The following CNTNAP3B variants were observed in gnomAD, a reference collection of about 807,000 sequenced individuals.
CNTNAP3B encodes the protein contactin-associated protein-like 3B.
Under a neutral mutation model 108.9 loss-of-function variants are expected in CNTNAP3B, and 25 were observed. The observed-to-expected ratio is 0.23, with a 90% confidence interval of 0.17 to 0.32. CNTNAP3B has a LOEUF of 0.32. CNTNAP3B is among the 10% of genes least tolerant of loss of function. CNTNAP3B has a pLI of 1.00. For missense variants in CNTNAP3B, 252 were observed against 1,210.4 expected (o/e 0.21, Z 11.75); for synonymous variants, 103 against 473.4 (o/e 0.22, Z 10.16).
At chr9:42,029,274 G>C (rs1318699539) in intron 3 of CNTNAP3B, among the ~76,000 whole-genome samples, 5 of 117,554 alleles carry the variant, frequency 4.3e-5, no homozygotes, top group African/African-American at 6.8e-5. Context: ...AAACAAAAAA[G>C]TTCCCATTTT....
Position 41,923,786 on chromosome 9 carries a change from C to T in CNTNAP3B, c.2536+137G>A, listed in dbSNP as rs1186509671. On this transcript the variant is annotated intron_variant, in intron 16 of 23. Transcript: ENST00000377561. Reference sequence around the variant, plus strand: ...CCCTCTCTCAAAAACAAAAAATTACCTAAAATCATAGAAGTTTAGTGTTTT... The same window carrying T: ...CCCTCTCTCAAAAACAAAAAATTACTTAAAATCATAGAAGTTTAGTGTTTT... The T allele has an allele frequency of 8.4e-6, 12 of 1,436,880 alleles. No homozygotes were observed. The African/African-American group carries it at 1.6e-4, about 19-fold the overall frequency. 89.0% of individuals were successfully genotyped at this position (1,436,880 alleles called of 1,614,324 possible). A position where few individuals can be genotyped will look rare whatever the true frequency, so the allele number is the denominator to read the frequency against.
rs535048445 is a variant in CNTNAP3B, at chr9:41,921,442, T to G, written c.2756-1133A>C. On this transcript the variant is annotated intron_variant, in intron 17 of 23. Coordinates refer to ENST00000377561, the MANE Select transcript of CNTNAP3B (RefSeq NM_001201380.3). The stretch of plus-strand genomic sequence containing the variant: ...ATCCACATACATACGTGGGTTCACG[T>G]GTAGCATTTAGTACCTGGAAGTTGT... Among the ~76,000 whole-genome samples, 529 of 149,922 alleles carry G rather than the reference T, an allele frequency of 3.5e-3. 1 individual carries two copies. Among genetic ancestry groups the G allele is most frequent in the African/African-American group, 0.012 (488 of 40,232 alleles).
intron 13 of CNTNAP3B, among the ~76,000 whole-genome samples, chr9:41,947,228 C>T (rs1156775629): frequency 1.3e-5 from 2 of 151,080 alleles, no homozygotes; most frequent in Admixed American, 6.6e-5. Flanking sequence ...TTTTCAAATG[C>T]CCATGAAAAA....
chr9:41,962,780 C>T (rs1158951389), intron 11 of CNTNAP3B, among the ~76,000 whole-genome samples: 10 of 152,182 alleles, frequency 6.6e-5, no homozygotes, highest in African/African-American at 1.9e-4. Flanking sequence ...ATGGCAAAAC[C>T]CCGTCTCTAC....
intron 1 of CNTNAP3B, among the ~76,000 whole-genome samples, chr9:42,113,548 C>T (rs1379388720): frequency 7.2e-6 from 1 of 139,234 alleles, no homozygotes; most frequent in African/African-American, 2.9e-5. Context: ...AATACAACAA[C>T]ACAGGTGCAT....
In CNTNAP3B at chr9:42,076,893, C is replaced by T. The variant is rs542216609; in HGVS notation, c.366G>A (p.Gln122=). 3.4e-5 allele frequency: 52 copies of T among 1,537,286 alleles called. 9 individuals carry two copies. In the African/African-American group the frequency reaches 7.9e-4, roughly 23 times the overall value. ...MFSDGGRNWK[Q]YRREESIWGF... is the part of the protein sequence containing the mutation. Reference sequence around the variant, plus strand: ...CCCAGATGCTTTCTTCTCGGCGATACTGCTTCCAGTTTCTCCCACCATCAC... The same window carrying T: ...CCCAGATGCTTTCTTCTCGGCGATATTGCTTCCAGTTTCTCCCACCATCAC... The change falls in exon 3 of 24, where the codon CAG becomes CAA. Residue 122 remains glutamine (Q), a synonymous_variant. Transcript: ENST00000377561.
chr9:42,091,846 G>A (rs1321297010), intron 2 of CNTNAP3B, among the ~76,000 whole-genome samples: 1 of 90,880 alleles, frequency 1.1e-5, no homozygotes, highest in Non-Finnish European at 2.3e-5. Flanking sequence ...TGGAAACTTA[G>A]CAACTTTGAG....
intron 1 of CNTNAP3B, among the ~76,000 whole-genome samples, chr9:42,119,451 A>C (rs1308568907): frequency 7.6e-6 from 1 of 130,808 alleles, no homozygotes; most frequent in Non-Finnish European, 1.6e-5. Flanking sequence ...GCTACCAATG[A>C]CTTTCTTCAC....
At chr9:41,930,897 C>T (rs904552075) in intron 14 of CNTNAP3B, among the ~76,000 whole-genome samples, 7 of 152,248 alleles carry the variant, frequency 4.6e-5, no homozygotes, top group South Asian at 2.1e-4. Flanking sequence ...AAATATTTGG[C>T]CAATAATATT....
At chr9:41,938,992 T>C (rs1486293060) in intron 13 of CNTNAP3B, among the ~76,000 whole-genome samples, 22 of 152,324 alleles carry the variant, frequency 1.4e-4, no homozygotes, top group African/African-American at 4.3e-4. Context: ...AAATTTCTCA[T>C]GCGAAGAAAC....
chr9:42,094,581 C>T lies in CNTNAP3B; in HGVS notation c.196+10048G>A, dbSNP rs1052655312. Among the ~76,000 whole-genome samples the T allele has an allele frequency of 4.0e-4, 52 of 130,278 alleles. 5 individuals are homozygous for T. Among genetic ancestry groups the T allele is most frequent in the South Asian group, 1.0e-3 (4 of 3,922 alleles). 85.5% of individuals were successfully genotyped at this position (130,278 alleles called of 152,430 possible). On this transcript the variant is annotated intron_variant, in intron 2 of 23. Transcript: ENST00000377561. Reference sequence around the variant, plus strand: ...GAGGTGGGAGGATCACCTGAGCCCACGGAGGTTGAGGCTACACTAAGCTGT... The same window carrying T: ...GAGGTGGGAGGATCACCTGAGCCCATGGAGGTTGAGGCTACACTAAGCTGT...
intron 3 of CNTNAP3B, among the ~76,000 whole-genome samples, chr9:42,014,537 T>A (rs1305193510): frequency 8.3e-6 from 1 of 119,784 alleles, no homozygotes; most frequent in Non-Finnish European, 1.7e-5. Context: ...ACGCCTGTAA[T>A]CCCAGTACTT....
intron 10 of CNTNAP3B, among the ~76,000 whole-genome samples, chr9:41,964,941 A>T (rs1244612342): frequency 6.6e-6 from 1 of 152,252 alleles, no homozygotes; most frequent in Non-Finnish European, 1.5e-5. Flanking sequence ...CCAATTACAC[A>T]CATAAAACTA....
At chr9:41,952,107 G>T (rs1171220969) in intron 13 of CNTNAP3B, among the ~76,000 whole-genome samples, 6 of 152,276 alleles carry the variant, frequency 3.9e-5, no homozygotes, top group African/African-American at 1.2e-4. Context: ...TATTCCAGGG[G>T]CTGATTGGCC....
chr9:41,989,609 C>A (rs1825767831), intron 8 of CNTNAP3B, among the ~76,000 whole-genome samples: 1 of 134,254 alleles, frequency 7.4e-6, no homozygotes, highest in Non-Finnish European at 1.6e-5. Flanking sequence ...CAAAAGCTTT[C>A]TTAGTGCTAA....
intron 7 of CNTNAP3B, among the ~76,000 whole-genome samples, chr9:41,995,563 G>A (rs1392438150): frequency 2.2e-4 from 30 of 133,576 alleles, no homozygotes; most frequent in African/African-American, 6.1e-4. Context: ...GTGAAACCCC[G>A]TCTCTACTAA....
In CNTNAP3B at chr9:42,115,200, A is replaced by G. The variant is rs369045450; in HGVS notation, c.86-10461T>C. Among the ~76,000 whole-genome samples the G allele has an allele frequency of 1.0e-4, 14 of 139,284 alleles. 4 individuals carry two copies. The highest frequency in any genetic ancestry group is 4.0e-4 in the African/African-American group (14 of 35,148). 91.4% of individuals were successfully genotyped at this position (139,284 alleles called of 152,430 possible). ...ATTTTTTGTATACTCATAAGAAAAA[A>G]CAGAAGAAGCTGCACTCTTTTGACA... On this transcript the variant is annotated intron_variant, in intron 1 of 23. Transcript: ENST00000377561.
chr9:41,954,848 T>C (rs2118160866), intron 12 of CNTNAP3B, among the ~76,000 whole-genome samples: 1 of 152,240 alleles, frequency 6.6e-6, no homozygotes, highest in East Asian at 1.9e-4. Flanking sequence ...CACACCTGGC[T>C]AATTTTTGTA....
At chr9:42,126,000 A>G (rs1828562628) in intron 1 of CNTNAP3B, among the ~76,000 whole-genome samples, 1 of 132,388 alleles carries the variant, frequency 7.6e-6, no homozygotes, top group South Asian at 2.5e-4. Context: ...TTAAAATGGT[A>G]TTACTAAAAG....
Sources: gnomAD v4.1 joint callset for allele counts (sites outside exome capture counted in the v4.1 genomes callset) on GRCh38, gnomAD v4.1.1 for gene constraint, MANE v1.5 for transcripts, NCBI Gene and HGNC (gene_info 2026-07-23, HGNC 2026-07-21) for gene names.